SLC9A8: variants seen among roughly 807,000 people sequenced by gnomAD.
SLC9A8 encodes the protein solute carrier family 9 member A8.
SLC9A8 carries 48 observed loss-of-function variants against 66.6 expected under a neutral mutation model. The observed-to-expected ratio is 0.72, with a 90% CI of 0.57 to 0.92. The LOEUF is 0.92. Among genes scored for constraint, SLC9A8 ranks in the 40% least tolerant of loss-of-function variants. The pLI is 0.00. For synonymous variants in SLC9A8, 274 were observed against 282.6 expected, an observed-to-expected ratio of 0.97 and a Z score of 0.31; for missense variants, 599 against 747.3, an observed-to-expected ratio of 0.80 and a Z score of 2.31.
chr20:49,832,126 A>G (rs555752361), intron 3 of SLC9A8, among the ~76,000 whole-genome samples: 1 of 152,178 alleles, frequency 6.6e-6, no homozygotes, highest in East Asian at 1.9e-4. Flanking sequence ...AGCCCCTTGC[A>G]TGCCCACTGC....
intron 11 of SLC9A8, among the ~76,000 whole-genome samples, chr20:49,876,219 G>A (rs965308856): frequency 6.6e-6 from 1 of 152,102 alleles, no homozygotes; most frequent in African/African-American, 2.4e-5. Context: ...GGGCCAGAGG[G>A]TATTATTTGT....
At chr20:49,822,464 T>G (rs6067240) in intron 2 of SLC9A8, among the ~76,000 whole-genome samples, 13,055 of 152,290 alleles carry the variant, frequency 0.086, 670 homozygotes, top group Middle Eastern at 0.13. Flanking sequence ...TTAAATAATT[T>G]TATAAGGTTT....
intron 3 of SLC9A8, chr20:49,830,172 TC>T (rs1236668539): frequency 1.3e-6 from 1 of 766,312 alleles, no homozygotes; most frequent in Admixed American, 1.7e-5. Flanking sequence ...GGAAACTGGT[TC>T]CACCTCCATC....
At chr20:49,813,702 T>C (rs78044863) in intron 1 of SLC9A8, among the ~76,000 whole-genome samples, 13,970 of 152,202 alleles carry the variant, frequency 0.092, 720 homozygotes, top group Middle Eastern at 0.13. Context: ...AGAGTTAAGG[T>C]TGGGGAGTCC....
Position 49,867,524 on chromosome 20 carries a change from C to G in SLC9A8, c.958+2680C>G, listed in dbSNP as rs141168383. Among the ~76,000 whole-genome samples, 37 of 152,192 alleles carry G rather than the reference C, an allele frequency of 2.4e-4. No individual in the cohort carries two copies. The East Asian group carries it at 7.0e-3, about 29-fold the overall frequency. ...TCTTTCCCCAGCTTCTTGTTTCATCCGACATATTTACTGATCAGTATCAGT... is the reference window on the plus strand; with the variant it reads ...TCTTTCCCCAGCTTCTTGTTTCATCGGACATATTTACTGATCAGTATCAGT... On this transcript the variant is annotated intron_variant, in intron 10 of 15. Coordinates refer to ENST00000361573, the MANE Select transcript of SLC9A8 (RefSeq NM_015266.3).
chr20:49,880,532 T>C (rs1319379008), intron 12 of SLC9A8, among the ~76,000 whole-genome samples: 2 of 152,182 alleles, frequency 1.3e-5, no homozygotes, highest in African/African-American at 2.4e-5. Flanking sequence ...GTATGATCAA[T>C]GCAGCCCTGT....
intron 10 of SLC9A8, among the ~76,000 whole-genome samples, chr20:49,867,820 A>G (rs2089036796): frequency 6.6e-6 from 1 of 152,192 alleles, no homozygotes; most frequent in Admixed American, 6.5e-5. Context: ...TGTAGCAGTA[A>G]TTTCTTCAGA....
chr20:49,854,794 C>G (rs1421415753), intron 7 of SLC9A8, among the ~76,000 whole-genome samples: 2 of 152,182 alleles, frequency 1.3e-5, no homozygotes, highest in Non-Finnish European at 2.9e-5. Context: ...ATGTGAAGTG[C>G]TTAGAACAGT....
At chr20:49,854,623 G>A (rs1052478807) in intron 7 of SLC9A8, among the ~76,000 whole-genome samples, 2 of 152,148 alleles carry the variant, frequency 1.3e-5, no homozygotes, top group Admixed American at 6.5e-5. Flanking sequence ...GTTGGGGGTA[G>A]GAGTACCGAC....
intron 8 of SLC9A8, among the ~76,000 whole-genome samples, chr20:49,857,120 C>A (rs1214290140): frequency 2.0e-5 from 3 of 152,162 alleles, no homozygotes; most frequent in African/African-American, 7.2e-5. Flanking sequence ...TGAGACCAGT[C>A]TGGACAACAT....
At chr20:49,873,800 C>G (rs1252295157) in intron 10 of SLC9A8, among the ~76,000 whole-genome samples, 1 of 147,576 alleles carries the variant, frequency 6.8e-6, no homozygotes, top group Non-Finnish European at 1.5e-5. Flanking sequence ...AAAAAAGAAT[C>G]CACACATTCT....
chr20:49,875,868 G>C (rs985746102), intron 11 of SLC9A8, among the ~76,000 whole-genome samples: 1 of 152,032 alleles, frequency 6.6e-6, no homozygotes, highest in Non-Finnish European at 1.5e-5. Flanking sequence ...CGGAGTAGCT[G>C]GGACTATAGG....
At chr20:49,849,005 G>A (rs558427747) in intron 5 of SLC9A8, among the ~76,000 whole-genome samples, 5 of 152,272 alleles carry the variant, frequency 3.3e-5, no homozygotes, top group African/African-American at 7.2e-5. Context: ...CTTGTCAACC[G>A]CTACAAGAGA....
chr20:49,839,448 C>T (rs1282541714), intron 3 of SLC9A8, 93 bp from the exon 4 acceptor site: 8 of 781,388 alleles, frequency 1.0e-5, no homozygotes, highest in East Asian at 8.2e-5. Context: ...GGGCACATGT[C>T]GTCAGGACCT....
Position 49,887,742 on chromosome 20 carries a change from C to T in SLC9A8, c.1639-87C>T, listed in dbSNP as rs531064245. 298 of 1,019,374 alleles carry T rather than the reference C, an allele frequency of 2.9e-4. No individual in the cohort carries two copies. The South Asian group carries it at 3.3e-3, about 11-fold the overall frequency. 63.1% of individuals were successfully genotyped at this position (1,019,374 alleles called of 1,614,324 possible). On this transcript the variant is annotated intron_variant, in intron 15 of 15. Transcript: ENST00000361573. The stretch of plus-strand genomic sequence containing the variant: ...CTGCCTCCCACCTCCTCCCTAGACA[C>T]CCCACACAAAACACCCAGTAGCATC...
intron 15 of SLC9A8, 115 bp from the exon 16 acceptor site, chr20:49,887,714 A>G: frequency 4.1e-6 from 3 of 726,748 alleles, no homozygotes; most frequent in Non-Finnish European, 4.6e-6. Context: ...TGTGGCCATC[A>G]CCCTGCCTCC....
intron 2 of SLC9A8, among the ~76,000 whole-genome samples, chr20:49,821,057 A>G (rs961831710): frequency 9.9e-5 from 15 of 152,000 alleles, no homozygotes; most frequent in Non-Finnish European, 2.1e-4. Context: ...ATGATTTGCA[A>G]ATATTTTCTC....
chr20:49,823,808 A>C (rs1397817303), intron 3 of SLC9A8, among the ~76,000 whole-genome samples: 1 of 152,204 alleles, frequency 6.6e-6, no homozygotes, highest in Non-Finnish European at 1.5e-5. Flanking sequence ...AGGCACAGTA[A>C]ATAAAGTCTT....
chr20:49,849,825 A>C, intron 6 of SLC9A8, 145 bp downstream of exon 6: 1 of 670,536 alleles, frequency 1.5e-6, no homozygotes, highest in African/African-American at 1.8e-5. Context: ...TCCTAGCTTC[A>C]TATGAGGCAC....
Sources: allele counts gnomAD v4.1 joint callset (sites outside exome capture counted in the v4.1 genomes callset), GRCh38; gene constraint gnomAD v4.1.1; transcripts MANE v1.5; gene names NCBI Gene and HGNC (gene_info 2026-07-23, HGNC 2026-07-21).